The following CTNNBL1 variants were observed in gnomAD, a reference collection of about 807,000 sequenced individuals.
CTNNBL1 encodes catenin beta like 1, also known as beta-catenin-like protein 1.
A neutral mutation model predicts 72.7 loss-of-function variants in CTNNBL1; 31 were observed. The observed-to-expected ratio is 0.43, with a 90% CI of 0.32 to 0.58. CTNNBL1 has a LOEUF of 0.58. Among genes scored for constraint, CTNNBL1 ranks in the 20% least tolerant of loss-of-function variants. The pLI is 0.08. For missense variants in CTNNBL1, 534 were observed against 725.1 expected (o/e 0.74, Z 3.03); for synonymous variants, 240 against 267.3 (o/e 0.90, Z 1.00).
intron 13 of CTNNBL1, among the ~76,000 whole-genome samples, chr20:37,844,985 T>A (rs548009562): frequency 3.5e-4 from 54 of 152,278 alleles, no homozygotes; most frequent in Non-Finnish European, 6.8e-4. Flanking sequence ...TAAAGGTTAT[T>A]ATGAAGACTA....
At chr20:37,703,994 C>T (rs1296846007) in intron 1 of CTNNBL1, among the ~76,000 whole-genome samples, 2 of 152,080 alleles carry the variant, frequency 1.3e-5, no homozygotes, top group Admixed American at 6.6e-5. Flanking sequence ...TCAGGTTGGT[C>T]TCGAACTCCT....
chr20:37,738,018 G>A (rs955962871), intron 3 of CTNNBL1, among the ~76,000 whole-genome samples: 4 of 152,222 alleles, frequency 2.6e-5, no homozygotes, highest in Non-Finnish European at 5.9e-5. Context: ...CATTTCAAAA[G>A]CCAAATTCCT....
chr20:37,767,200 A>G (rs561456053), intron 6 of CTNNBL1, among the ~76,000 whole-genome samples: 42 of 152,180 alleles, frequency 2.8e-4, no homozygotes, highest in African/African-American at 9.9e-4. Flanking sequence ...CAGGATACGG[A>G]TTGGAAGGGG....
At chr20:37,777,505 AT>A in intron 8 of CTNNBL1, 88 bp downstream of exon 8, 2 of 1,448,504 alleles carry the variant, frequency 1.4e-6, no homozygotes, top group Non-Finnish European at 1.9e-6. Flanking sequence ...TGCCTTTGGC[AT>A]CCCCTTGCTC....
At chr20:37,854,243 G>A (rs1160242629) in intron 13 of CTNNBL1, among the ~76,000 whole-genome samples, 1 of 152,126 alleles carries the variant, frequency 6.6e-6, no homozygotes, top group Admixed American at 6.5e-5. Context: ...TACCTGCCTG[G>A]TTAAAAGAAG....
At chr20:37,800,989 A>G (rs1037137825) in intron 10 of CTNNBL1, among the ~76,000 whole-genome samples, 3 of 152,158 alleles carry the variant, frequency 2.0e-5, no homozygotes, top group South Asian at 4.1e-4. Context: ...GGCTTTCCTT[A>G]ATAACTGAAT....
At chr20:37,728,811 A>C (rs945821441) in intron 1 of CTNNBL1, among the ~76,000 whole-genome samples, 3 of 152,214 alleles carry the variant, frequency 2.0e-5, no homozygotes, top group Non-Finnish European at 2.9e-5. Context: ...TAGAGTCATC[A>C]TGAGGAGCTA....
chr20:37,734,393 C>G (rs1044686054), intron 2 of CTNNBL1, among the ~76,000 whole-genome samples: 1 of 152,208 alleles, frequency 6.6e-6, no homozygotes, highest in African/African-American at 2.4e-5. Flanking sequence ...AGCACATCCT[C>G]CCTCCCTTCC....
At chr20:37,841,024 A>G (rs562730758) in intron 12 of CTNNBL1, among the ~76,000 whole-genome samples, 13 of 152,348 alleles carry the variant, frequency 8.5e-5, no homozygotes, top group Admixed American at 8.5e-4. Context: ...AGACGATAGG[A>G]TTTTTAACAG....
At chr20:37,856,155 T>C (rs1190399201) in intron 13 of CTNNBL1, among the ~76,000 whole-genome samples, 2 of 148,878 alleles carry the variant, frequency 1.3e-5, no homozygotes, top group Admixed American at 1.4e-4. Flanking sequence ...GAGAGTCGCT[T>C]GAACCCGGCA....
intron 3 of CTNNBL1, among the ~76,000 whole-genome samples, chr20:37,743,201 A>G (rs904788032): frequency 1.3e-5 from 2 of 151,658 alleles, no homozygotes; most frequent in East Asian, 3.9e-4. Flanking sequence ...AGTTCTTCCA[A>G]GTGAACTGGA....
intron 3 of CTNNBL1, among the ~76,000 whole-genome samples, chr20:37,739,052 G>A (rs2122609742): frequency 6.6e-6 from 1 of 150,990 alleles, no homozygotes; most frequent in African/African-American, 2.4e-5. Context: ...ATCAGGTTTT[G>A]TACTGATCTC....
intron 11 of CTNNBL1, among the ~76,000 whole-genome samples, chr20:37,810,649 G>C (rs1458866698): frequency 6.6e-6 from 1 of 152,206 alleles, no homozygotes. Flanking sequence ...AGTATCCTTA[G>C]GGATTCTGGG....
intron 11 of CTNNBL1, among the ~76,000 whole-genome samples, chr20:37,814,756 G>A (rs1198970630): frequency 1.3e-5 from 2 of 152,094 alleles, no homozygotes; most frequent in African/African-American, 2.4e-5. Context: ...ACGGAGTAGG[G>A]GCTCTGGATT....
chr20:37,759,348 G>T (rs2073394576), intron 5 of CTNNBL1, among the ~76,000 whole-genome samples: 1 of 152,060 alleles, frequency 6.6e-6, no homozygotes, highest in Non-Finnish European at 1.5e-5. Context: ...GAGCCTTCCT[G>T]CTTGGTCCCT....
chr20:37,867,889 GT>G (rs1258019055), intron 15 of CTNNBL1, among the ~76,000 whole-genome samples: 3 of 152,148 alleles, frequency 2.0e-5, no homozygotes. Flanking sequence ...AAAGGGTGAG[GT>G]TGAGGTGCCT....
intron 1 of CTNNBL1, among the ~76,000 whole-genome samples, chr20:37,699,154 C>G (rs920907037): frequency 5.3e-5 from 8 of 152,108 alleles, no homozygotes; most frequent in African/African-American, 1.7e-4. Flanking sequence ...TCATAACAAC[C>G]CTATGAGGAA....
At chr20:37,863,002 TTGTC>T (rs1293815147) in intron 15 of CTNNBL1, among the ~76,000 whole-genome samples, 11 of 152,230 alleles carry the variant, frequency 7.2e-5, no homozygotes, top group African/African-American at 2.7e-4. Flanking sequence ...ATGACGGACA[TTGTC>T]TGCCTTGTTC....
chr20:37,784,090 C>G (rs187227391), intron 10 of CTNNBL1, among the ~76,000 whole-genome samples: 1 of 152,080 alleles, frequency 6.6e-6, no homozygotes, highest in African/African-American at 2.4e-5. Flanking sequence ...GTCCCTTTAC[C>G]GTTATGTAAT....
Sources: gnomAD v4.1 joint callset for allele counts (sites outside exome capture counted in the v4.1 genomes callset) on GRCh38, gnomAD v4.1.1 for gene constraint, MANE v1.5 for transcripts, NCBI Gene and HGNC (gene_info 2026-07-23, HGNC 2026-07-21) for gene names.